Variants in CADM2 observed in about 807,000 individuals in gnomAD.
The protein encoded by CADM2 is immunoglobulin superfamily member 4D.
Under a neutral mutation model 49.8 loss-of-function variants are expected in CADM2, and 12 were observed. That is an observed-to-expected ratio of 0.24 (90% CI 0.15 to 0.39). The LOEUF (loss-of-function observed/expected upper bound fraction) is 0.39, where lower values mean the gene tolerates loss of function less well. CADM2 is among the 10% of genes least tolerant of loss of function. The pLI is 1.00. For missense variants in CADM2, 378 were observed against 492.3 expected, an observed-to-expected ratio of 0.77 and a Z score of 2.20; for synonymous variants, 214 against 175.4, an observed-to-expected ratio of 1.22 and a Z score of -1.74.
intron 1 of CADM2, among the ~76,000 whole-genome samples, chr3:85,178,270 A>T (rs1239579443): frequency 1.3e-5 from 2 of 151,972 alleles, no homozygotes; most frequent in East Asian, 3.9e-4. Flanking sequence ...TATGATCTAC[A>T]GAATATATTT....
intron 1 of CADM2, among the ~76,000 whole-genome samples, chr3:85,060,870 C>T (rs568184745): frequency 6.6e-6 from 1 of 152,074 alleles, no homozygotes; most frequent in African/African-American, 2.4e-5. Context: ...ACGAGATCAA[C>T]ATATTCAAAT....
At chr3:84,985,693 T>A (rs919954350) in intron 1 of CADM2, among the ~76,000 whole-genome samples, 1 of 152,180 alleles carries the variant, frequency 6.6e-6, no homozygotes, top group African/African-American at 2.4e-5. Context: ...ATCCTCAATG[T>A]CACTAAAAGC....
chr3:85,987,376 A>C (rs927818503), intron 8 of CADM2, among the ~76,000 whole-genome samples: 1 of 151,808 alleles, frequency 6.6e-6, no homozygotes, highest in African/African-American at 2.4e-5. Context: ...CATTTCTTTT[A>C]AATAAACAGG....
intron 2 of CADM2, among the ~76,000 whole-genome samples, chr3:85,755,019 A>G (rs1385896908): frequency 2.0e-5 from 3 of 152,232 alleles, no homozygotes; most frequent in African/African-American, 7.2e-5. Context: ...TAACTTAACC[A>G]TATTTGATGT....
intron 1 of CADM2, among the ~76,000 whole-genome samples, chr3:85,520,732 ATACAT>A (rs2061010330): frequency 6.6e-6 from 1 of 152,096 alleles, no homozygotes; most frequent in Admixed American, 6.6e-5. Context: ...ATTTAAAGAA[ATACAT>A]TAATTAAAAA....
chr3:85,497,126 G>C (rs2039939431), intron 1 of CADM2, among the ~76,000 whole-genome samples: 1 of 152,160 alleles, frequency 6.6e-6, no homozygotes, highest in Non-Finnish European at 1.5e-5. Context: ...TTACAGGCAT[G>C]AGTATGTCTT....
At chr3:85,744,567 C>T (rs1421636962) in intron 2 of CADM2, among the ~76,000 whole-genome samples, 2 of 151,694 alleles carry the variant, frequency 1.3e-5, no homozygotes, top group African/African-American at 4.8e-5. Flanking sequence ...ATGAAATACT[C>T]GGGGTAAGGT....
intron 3 of CADM2, among the ~76,000 whole-genome samples, chr3:85,843,773 A>T (rs2074746244): frequency 6.6e-6 from 1 of 152,144 alleles, no homozygotes. Flanking sequence ...TAAACAACAG[A>T]AGCTAAAACA....
chr3:85,460,244 A>T (rs2038178117), intron 1 of CADM2, among the ~76,000 whole-genome samples: 1 of 151,674 alleles, frequency 6.6e-6, no homozygotes, highest in African/African-American at 2.4e-5. Context: ...CTAAGAAGGG[A>T]GTATTTCTGA....
At chr3:85,847,370 G>T (rs2074926963) in intron 3 of CADM2, among the ~76,000 whole-genome samples, 1 of 152,156 alleles carries the variant, frequency 6.6e-6, no homozygotes, top group South Asian at 2.1e-4. Flanking sequence ...GGTAAGATTT[G>T]CTGGGATCAC....
intron 7 of CADM2, among the ~76,000 whole-genome samples, chr3:85,943,415 C>T (rs1722225781): frequency 6.8e-6 from 1 of 146,384 alleles, no homozygotes. Flanking sequence ...TTGCCCATGC[C>T]TATGTCCTGA....
At chr3:85,255,436 G>T (rs2042863591) in intron 1 of CADM2, among the ~76,000 whole-genome samples, 1 of 151,990 alleles carries the variant, frequency 6.6e-6, no homozygotes, top group Non-Finnish European at 1.5e-5. Flanking sequence ...TTCTCTTGTG[G>T]AATGAATGAA....
chr3:85,723,795 A>G (rs951600289), intron 1 of CADM2, among the ~76,000 whole-genome samples: 1 of 152,062 alleles, frequency 6.6e-6, no homozygotes, highest in East Asian at 1.9e-4. Context: ...GATTGGTTGT[A>G]TCTGTTACAT....
At chr3:85,997,781 AAT>A (rs1729612554) in intron 8 of CADM2, among the ~76,000 whole-genome samples, 2 of 152,172 alleles carry the variant, frequency 1.3e-5, no homozygotes, top group African/African-American at 4.8e-5. Context: ...ACCATCTAGA[AAT>A]GCAAGCTGAC....
At chr3:85,410,584 G>A (rs2035610527) in intron 1 of CADM2, among the ~76,000 whole-genome samples, 3 of 152,058 alleles carry the variant, frequency 2.0e-5, no homozygotes, top group Admixed American at 2.0e-4. Flanking sequence ...GAAAGAATTG[G>A]ATTAAACAAG....
chr3:85,743,642 C>A (rs1304575323), intron 2 of CADM2, among the ~76,000 whole-genome samples: 1 of 152,164 alleles, frequency 6.6e-6, no homozygotes, highest in African/African-American at 2.4e-5. Flanking sequence ...GAATTCACTA[C>A]CTCCCTTGTA....
intron 1 of CADM2, among the ~76,000 whole-genome samples, chr3:85,436,728 AT>A (rs1417300357): frequency 2.6e-4 from 40 of 152,336 alleles, no homozygotes; most frequent in African/African-American, 9.4e-4. Context: ...TATAGCAAAA[AT>A]AAGCAGAAAG....
chr3:85,406,296 C>T (rs1007553346), intron 1 of CADM2, among the ~76,000 whole-genome samples: 2 of 151,988 alleles, frequency 1.3e-5, no homozygotes, highest in Non-Finnish European at 2.9e-5. Context: ...AGAATACTTA[C>T]TAAAAATCTG....
intron 1 of CADM2, chr3:84,959,964 C>T (rs1241865008): frequency 1.9e-6 from 1 of 518,560 alleles, no homozygotes; most frequent in South Asian, 2.5e-5. Flanking sequence ...CCCCCTCCCA[C>T]GCCTTTTGGC....
Sources: gnomAD v4.1 joint callset for allele counts (sites outside exome capture counted in the v4.1 genomes callset) on GRCh38, gnomAD v4.1.1 for gene constraint, MANE v1.5 for transcripts, NCBI Gene and HGNC (gene_info 2026-07-23, HGNC 2026-07-21) for gene names.